The following CACNA1A variants were observed in gnomAD, a reference collection of about 807,000 sequenced individuals.
CACNA1A encodes the protein voltage-dependent P/Q-type calcium channel subunit alpha-1A.
CACNA1A carries 57 observed loss-of-function variants against 262.4 expected under a neutral mutation model. The observed-to-expected ratio is 0.22, with a 90% confidence interval of 0.18 to 0.27. The LOEUF (loss-of-function observed/expected upper bound fraction) is 0.27. Among genes scored for constraint, CACNA1A ranks in the 10% least tolerant of loss-of-function variants. The pLI, the probability that CACNA1A is intolerant of heterozygous loss-of-function variation, is 1.00. For missense variants in CACNA1A, 2,526 were observed against 3,562.8 expected (o/e 0.71, Z 7.41); for synonymous variants, 1,431 against 1,419.3 (o/e 1.01, Z -0.18).
At chr19:13,486,840 A>C (rs1980063453) in intron 1 of CACNA1A, among the ~76,000 whole-genome samples, 1 of 146,488 alleles carries the variant, frequency 6.8e-6, no homozygotes, top group African/African-American at 2.5e-5. Flanking sequence ...CTCACCTTCC[A>C]CTTTTCTTTC....
chr19:13,295,357 A>G (rs55734898), intron 19 of CACNA1A, among the ~76,000 whole-genome samples: 14,216 of 152,252 alleles, frequency 0.093, 870 homozygotes, highest in South Asian at 0.26. Context: ...TACCATGTAC[A>G]TGACAGTCCC....
Position 13,207,831 on chromosome 19 carries a change from T to C in CACNA1A, c.7003A>G (p.Thr2335Ala). ...QAVARPGRAATSGPRRYPGPT... is the reference protein window; with the variant it reads ...QAVARPGRAAASGPRRYPGPT... The stretch of plus-strand genomic sequence containing the variant: ...CCTGGGTACCTCCGAGGGCCGCTGG[T>C]GGCCGCCCGGCCCGGCCTGGCCACC... Residue 2335 changes from threonine to alanine, a missense_variant, in exon 47 of 47, where the codon ACC (threonine) becomes GCC (alanine). Transcript: ENST00000360228. This position sits in a 1 kb window ranked among gnomAD's most constrained non-coding sequence, Gnocchi z 5.7. The C allele has an allele frequency of 6.8e-7, 1 of 1,463,944 alleles. No homozygotes were observed. The highest frequency in any genetic ancestry group is 2.5e-5 in the Admixed American group (1 of 40,646). The allele number at this position is 1,463,944 out of a possible 1,614,324, so 90.7% of individuals were successfully genotyped here. A position where few individuals can be genotyped will look rare whatever the true frequency, so the allele number is the denominator to read the frequency against.
intron 5 of CACNA1A, among the ~76,000 whole-genome samples, chr19:13,360,249 C>T (rs2059079160): frequency 9.2e-6 from 1 of 109,008 alleles, no homozygotes; most frequent in African/African-American, 3.1e-5. Context: ...TATTAGGTGT[C>T]TGTGTGTGTG....
At position 13,207,368 on chromosome 19, in the gene CACNA1A, C is replaced by T. The variant is rs1235169977; in HGVS notation, c.7466G>A (p.Gly2489Asp). 54 of 1,551,854 alleles carry T rather than the reference C, an allele frequency of 3.5e-5. No homozygotes were observed. In the East Asian group the frequency reaches 1.3e-3, roughly 37 times the overall value. ...GGGTTCGTGCAGGCCCTTCCTGGAGCCCGGCCCGCGGGGCCTGGCCAGTCC... is the reference window on the plus strand; with the variant it reads ...GGGTTCGTGCAGGCCCTTCCTGGAGTCCGGCCCGCGGGGCCTGGCCAGTCC... Reference protein sequence around the residue: ...AHGLARPRGPGSRKGLHEPYS... With the variant: ...AHGLARPRGPDSRKGLHEPYS... The change falls in exon 47 of 47, where the codon GGC becomes GAC. Residue 2489 changes from glycine (G) to aspartate (D), a missense_variant. This residue lies in a region of CACNA1A where 929 missense variants were observed against 868.1 expected (regional missense o/e 1.07). Coordinates refer to ENST00000360228, the MANE Select transcript of CACNA1A (RefSeq NM_001127222.2). This position sits in a 1 kb window ranked among gnomAD's most constrained non-coding sequence, Gnocchi z 5.7.
intron 1 of CACNA1A, among the ~76,000 whole-genome samples, chr19:13,458,414 G>C (rs1373259871): frequency 6.6e-6 from 1 of 151,990 alleles, no homozygotes; most frequent in Non-Finnish European, 1.5e-5. Flanking sequence ...GCCTCCCAAA[G>C]TGCGGGGATT....
Position 13,300,463 on chromosome 19 carries a change from C to A in CACNA1A, c.2279+87G>T, listed in dbSNP as rs1314192679. The stretch of plus-strand genomic sequence containing the variant: ...TCCTAAAGCTCAGTTCTGTCAAGGA[C>A]CACCCCCACTGCTTCCCAAATCTGT... On this transcript the variant is annotated intron_variant, in intron 18 of 46. Coordinates refer to ENST00000360228, the MANE Select transcript of CACNA1A (RefSeq NM_001127222.2). 2.2e-5 allele frequency: 20 copies of A among 896,500 alleles called. No homozygotes were observed. The Admixed American group carries it at 3.0e-4, about 13-fold the overall frequency. The allele number at this position is 896,500 out of a possible 1,614,324, so 55.5% of individuals were successfully genotyped here.
chr19:13,318,943 C>T (rs2058190000), intron 10 of CACNA1A, among the ~76,000 whole-genome samples: 1 of 135,324 alleles, frequency 7.4e-6, no homozygotes, highest in South Asian at 2.2e-4. Flanking sequence ...GGCTGGAATG[C>T]AGTGGCTTGA....
intron 31 of CACNA1A, among the ~76,000 whole-genome samples, chr19:13,242,551 C>T (rs1390138543): frequency 1.3e-5 from 2 of 152,204 alleles, no homozygotes; most frequent in East Asian, 3.9e-4. Flanking sequence ...CTGCCTTGGT[C>T]TCCCAAAGTG....
intron 3 of CACNA1A, among the ~76,000 whole-genome samples, chr19:13,386,032 C>T (rs551881534): frequency 6.6e-6 from 1 of 152,030 alleles, no homozygotes; most frequent in Non-Finnish European, 1.5e-5. Context: ...TGGTACACTC[C>T]TCCAGCTGCT....
At chr19:13,400,519 G>A (rs1176522406) in intron 3 of CACNA1A, among the ~76,000 whole-genome samples, 1 of 152,078 alleles carries the variant, frequency 6.6e-6, no homozygotes, top group Non-Finnish European at 1.5e-5. Flanking sequence ...CATGCTCACT[G>A]ACTTTAAGAA....
intron 18 of CACNA1A, among the ~76,000 whole-genome samples, chr19:13,300,291 T>C (rs1349692322): frequency 6.6e-6 from 1 of 151,886 alleles, no homozygotes; most frequent in African/African-American, 2.4e-5. Flanking sequence ...CTCCTTCCCT[T>C]GCTAGAATGG....
intron 31 of CACNA1A, among the ~76,000 whole-genome samples, chr19:13,243,498 G>A (rs906163538): frequency 1.3e-5 from 2 of 152,062 alleles, no homozygotes; most frequent in African/African-American, 4.8e-5. Flanking sequence ...ACCCAGGCCT[G>A]GCTTTGTGAC....
At chr19:13,302,046 C>T (rs2057798816) in intron 17 of CACNA1A, among the ~76,000 whole-genome samples, 1 of 152,194 alleles carries the variant, frequency 6.6e-6, no homozygotes, top group South Asian at 2.1e-4. Flanking sequence ...CCCAAGTGAG[C>T]ATAAAACATG....
intron 3 of CACNA1A, among the ~76,000 whole-genome samples, chr19:13,422,502 T>C (rs573235154): frequency 1.3e-5 from 2 of 152,236 alleles, no homozygotes; most frequent in East Asian, 1.9e-4. Context: ...CTCCTTGGGG[T>C]TGGGGAGTTC....
At chr19:13,370,297 C>T (rs1340007261) in intron 4 of CACNA1A, among the ~76,000 whole-genome samples, 24 of 152,050 alleles carry the variant, frequency 1.6e-4, no homozygotes, top group Admixed American at 1.6e-3. Context: ...GACGGGGTTT[C>T]CCCATTTTGG....
intron 30 of CACNA1A, among the ~76,000 whole-genome samples, chr19:13,248,256 A>G (rs1038847150): frequency 2.0e-5 from 3 of 151,932 alleles, no homozygotes; most frequent in African/African-American, 7.3e-5. Context: ...CAAATGTTAT[A>G]CAGGGAACTT....
At chr19:13,246,051 C>T (rs912305434) in intron 30 of CACNA1A, among the ~76,000 whole-genome samples, 6 of 152,188 alleles carry the variant, frequency 3.9e-5, no homozygotes, top group African/African-American at 1.4e-4. Flanking sequence ...AGGATTTGAA[C>T]CCAGGCCTCA....
intron 1 of CACNA1A, among the ~76,000 whole-genome samples, chr19:13,457,662 C>T (rs2061038745): frequency 6.6e-6 from 1 of 152,036 alleles, no homozygotes; most frequent in South Asian, 2.1e-4. Flanking sequence ...ACCAGCATGA[C>T]CAACATGGAG....
intron 1 of CACNA1A, among the ~76,000 whole-genome samples, chr19:13,498,602 G>A (rs751637327): frequency 6.6e-6 from 1 of 152,164 alleles, no homozygotes; most frequent in East Asian, 1.9e-4. Flanking sequence ...GTGTCTGACC[G>A]AAGCGAGATG....
Sources: allele counts gnomAD v4.1 joint callset (sites outside exome capture counted in the v4.1 genomes callset), GRCh38; gene constraint gnomAD v4.1.1; regional missense constraint gnomAD v4.1.1; non-coding constraint Gnocchi (gnomAD v3.1); transcripts MANE v1.5; gene names NCBI Gene and HGNC (gene_info 2026-07-23, HGNC 2026-07-21).